POC1B: variants seen among roughly 807,000 people sequenced by gnomAD.
The protein encoded by POC1B is POC1 centriolar protein B, also known as POC1 centriolar protein homolog B.
In POC1B, 44 loss-of-function variants were observed where a neutral mutation model predicts 60.6. The ratio of observed to expected loss-of-function variants is 0.73; its 90% CI spans 0.57 to 0.93. POC1B has a LOEUF of 0.93. POC1B is among the 40% of genes least tolerant of loss of function. The pLI, the probability that POC1B is intolerant of heterozygous loss-of-function variation, is 0.00. For synonymous variants in POC1B, 180 were observed against 198.9 expected, an observed-to-expected ratio of 0.90 and a Z score of 0.80; for missense variants, 555 against 572.3, an observed-to-expected ratio of 0.97 and a Z score of 0.31.
chr12:89,432,647 C>T (rs1334157875), intron 10 of POC1B, among the ~76,000 whole-genome samples: 1 of 152,054 alleles, frequency 6.6e-6, no homozygotes, highest in Non-Finnish European at 1.5e-5. Context: ...AAAAATAAAG[C>T]TAAGCAATGT....
At chr12:89,501,712 G>C (rs532996869) in intron 2 of POC1B, 12 of 947,952 alleles carry the variant, frequency 1.3e-5, no homozygotes, top group Non-Finnish European at 1.9e-5. Context: ...AAAATCAGAG[G>C]AGAGTCCTGT....
At chr12:89,514,249 T>C (rs981095177) in intron 2 of POC1B, among the ~76,000 whole-genome samples, 1 of 152,088 alleles carries the variant, frequency 6.6e-6, no homozygotes, top group Non-Finnish European at 1.5e-5. Context: ...TTCCTCCAGC[T>C]CTGGCCATGT....
At chr12:89,519,984 G>C (rs1468904749) in intron 2 of POC1B, 1 of 152,130 alleles carries the variant, frequency 6.6e-6, no homozygotes, top group Admixed American at 6.5e-5. Flanking sequence ...TAGCCAAAGA[G>C]AGCTTTGGTA....
chr12:89,438,233 G>A lies in POC1B; in HGVS notation c.1114-12854C>T, dbSNP rs868635958. ...AGCACTTTGGGAGGCCGAGGCGGGCGGATCACGAGGTCAGAAGATCGAGAC... is the reference window on the plus strand; with the variant it reads ...AGCACTTTGGGAGGCCGAGGCGGGCAGATCACGAGGTCAGAAGATCGAGAC... On this transcript the variant is annotated intron_variant, in intron 10 of 11. Coordinates refer to ENST00000313546, the MANE Select transcript of POC1B (RefSeq NM_172240.3). Among the ~76,000 whole-genome samples, 14 of 152,092 alleles carry A rather than the reference G, an allele frequency of 9.2e-5. No homozygotes were observed. In the East Asian group the frequency reaches 1.2e-3, roughly 13 times the overall value.
chr12:89,457,478 A>G (rs1483950242), intron 10 of POC1B, among the ~76,000 whole-genome samples: 1 of 152,242 alleles, frequency 6.6e-6, no homozygotes, highest in East Asian at 1.9e-4. Flanking sequence ...AGAATGCACT[A>G]TTAAAATAAA....
chr12:89,525,248 C>G (rs1402786745), intron 1 of POC1B, 44 bp from the exon 2 acceptor site: 1 of 1,574,360 alleles, frequency 6.4e-7, no homozygotes, highest in African/African-American at 1.4e-5. Flanking sequence ...CCGCAGACCT[C>G]GAATTCTGGC....
intron 10 of POC1B, among the ~76,000 whole-genome samples, chr12:89,446,128 A>G (rs2120746110): frequency 6.6e-6 from 1 of 151,676 alleles, no homozygotes; most frequent in East Asian, 1.9e-4. Flanking sequence ...GGATGTGGAG[A>G]AATAGGAACA....
intron 2 of POC1B, chr12:89,519,434 C>T (rs1383799337): frequency 6.6e-6 from 1 of 152,112 alleles, no homozygotes; most frequent in East Asian, 1.9e-4. Context: ...ATCAGGCACA[C>T]TTTTTATTTT....
intron 9 of POC1B, among the ~76,000 whole-genome samples, chr12:89,465,463 A>T (rs1469577586): frequency 6.6e-6 from 1 of 152,202 alleles, no homozygotes; most frequent in Non-Finnish European, 1.5e-5. Flanking sequence ...ACAAGATGAC[A>T]GAATAAAAAT....
At chr12:89,444,879 C>T (rs1241388415) in intron 10 of POC1B, among the ~76,000 whole-genome samples, 1 of 152,162 alleles carries the variant, frequency 6.6e-6, no homozygotes, top group Admixed American at 6.5e-5. Flanking sequence ...CCCAAAATCT[C>T]CTTAAGCTGA....
chr12:89,525,880 C>A lies in POC1B; in HGVS notation c.15+1G>T. On this transcript the variant is annotated splice_donor_variant, in intron 1 of 11. Transcript: ENST00000313546. LOFTEE classifies it high-confidence loss of function. ...CCCCCCCACCTCCAACCCGTCCTTA[C>A]CGTGGCTGAGGCCATCGGGGGAGTG... The A allele has an allele frequency of 6.9e-7, 1 of 1,457,996 alleles. No homozygotes were observed. The highest frequency in any genetic ancestry group is 2.5e-5 in the Admixed American group (1 of 40,202). The allele number at this position is 1,457,996 out of a possible 1,614,324, so 90.3% of individuals were successfully genotyped here.
At chr12:89,434,290 G>A (rs1881160796) in intron 10 of POC1B, among the ~76,000 whole-genome samples, 1 of 152,122 alleles carries the variant, frequency 6.6e-6, no homozygotes, top group South Asian at 2.1e-4. Context: ...TTTATCAGAA[G>A]ACTTGAAAAA....
the POC1B span, among the ~76,000 whole-genome samples, chr12:89,408,548 C>T: frequency 4.0e-5 from 6 of 149,018 alleles, no homozygotes; most frequent in Non-Finnish European, 5.9e-5. Context: ...TGCAGTGGTG[C>T]GATCTCGGCT....
chr12:89,422,411 C>T (rs1880579497), intron 11 of POC1B, among the ~76,000 whole-genome samples: 1 of 152,136 alleles, frequency 6.6e-6, no homozygotes, highest in Non-Finnish European at 1.5e-5. Flanking sequence ...CTTTTCTTTA[C>T]AATTTCTCTG....
At chr12:89,428,624 T>TC (rs1880878773) in intron 10 of POC1B, 2 of 152,216 alleles carry the variant, frequency 1.3e-5, no homozygotes, top group South Asian at 4.1e-4. Flanking sequence ...TGGCGCAATC[T>TC]CAGCTCACTG....
At chr12:89,524,247 G>A (rs1462284782) in intron 2 of POC1B, 3 of 1,613,964 alleles carry the variant, frequency 1.9e-6, no homozygotes, top group Non-Finnish European at 2.5e-6. Context: ...AAATATTGAT[G>A]GCGTATCTCT....
At chr12:89,434,861 GA>G (rs1332938371) in intron 10 of POC1B, among the ~76,000 whole-genome samples, 9 of 151,706 alleles carry the variant, frequency 5.9e-5, no homozygotes, top group Non-Finnish European at 1.2e-4. Flanking sequence ...AAACCCCAAA[GA>G]AAAAAATAAG....
At chr12:89,453,128 A>G (rs1440265524) in intron 10 of POC1B, among the ~76,000 whole-genome samples, 1 of 152,170 alleles carries the variant, frequency 6.6e-6, no homozygotes, top group East Asian at 1.9e-4. Flanking sequence ...GTTATCATGT[A>G]TGTTCTGTTT....
At chr12:89,416,982 A>G (rs1180280416), downstream of POC1B, among the ~76,000 whole-genome samples, 2 of 152,242 alleles carry the variant, frequency 1.3e-5, no homozygotes, top group Non-Finnish European at 2.9e-5. Context: ...AAAGCCTATC[A>G]ACTTACCTTC....
Sources: gnomAD v4.1 joint callset for allele counts (sites outside exome capture counted in the v4.1 genomes callset) on GRCh38, gnomAD v4.1.1 for gene constraint, MANE v1.5 for transcripts, NCBI Gene and HGNC (gene_info 2026-07-23, HGNC 2026-07-21) for gene names.